The following SNTB2 variants were observed in gnomAD, a reference collection of about 807,000 sequenced individuals.
The protein encoded by SNTB2 is syntrophin beta 2, also known as beta-2-syntrophin.
Under a neutral mutation model 46.2 loss-of-function variants are expected in SNTB2, and 34 were observed. The ratio of observed to expected loss-of-function variants is 0.74; its 90% CI spans 0.56 to 0.98. SNTB2 has a LOEUF of 0.98. Among genes scored for constraint, SNTB2 ranks in the 50% least tolerant of loss-of-function variants. The pLI is 0.00. For missense variants in SNTB2, 603 were observed against 731.4 expected (o/e 0.82, Z 2.02); for synonymous variants, 290 against 312.6 (o/e 0.93, Z 0.76).
At chr16:69,196,536 G>A (rs943078882) in intron 1 of SNTB2, among the ~76,000 whole-genome samples, 5 of 151,662 alleles carry the variant, frequency 3.3e-5, no homozygotes, top group African/African-American at 1.2e-4. Flanking sequence ...TACCATGCCC[G>A]GCTAATTTTT....
chr16:69,268,794 G>A, intron 3 of SNTB2, among the ~76,000 whole-genome samples: 1 of 151,984 alleles, frequency 6.6e-6, no homozygotes, highest in Admixed American at 6.6e-5. Flanking sequence ...GAACCTGGGA[G>A]GCAGAGGTTG....
chr16:69,243,608 T>C (rs1221378096), intron 1 of SNTB2, among the ~76,000 whole-genome samples: 1 of 152,222 alleles, frequency 6.6e-6, no homozygotes, highest in Non-Finnish European at 1.5e-5. Context: ...CCCAATAGTG[T>C]ACTGCCTTAA....
intron 3 of SNTB2, among the ~76,000 whole-genome samples, chr16:69,264,016 C>G (rs1964861499): frequency 1.3e-5 from 2 of 151,822 alleles, no homozygotes; most frequent in South Asian, 4.2e-4. Flanking sequence ...CTAGGCTGGT[C>G]TTGAATTCCT....
At chr16:69,249,896 C>G (rs568052229) in intron 2 of SNTB2, among the ~76,000 whole-genome samples, 1 of 151,924 alleles carries the variant, frequency 6.6e-6, no homozygotes, top group Non-Finnish European at 1.5e-5. Flanking sequence ...ATCAGGAGTT[C>G]GAGACCAGCC....
rs115514779 is a variant in SNTB2 at position 69,207,527 on chromosome 16, A to G, written c.580+19781A>G. Among the ~76,000 whole-genome samples the G allele has an allele frequency of 2.2e-3, 330 of 152,330 alleles. 2 individuals are homozygous for G. Among genetic ancestry groups the G allele is most frequent in the African/African-American group, 7.8e-3 (324 of 41,576 alleles). On this transcript the variant is annotated intron_variant, in intron 1 of 6. Coordinates refer to ENST00000336278, the MANE Select transcript of SNTB2 (RefSeq NM_006750.4). ...TTTATGTTGACCAATTATAAAGTAG[A>G]TAAGAAAATAAGAAAATTGACATTG...
In SNTB2 at chr16:69,187,229, G is replaced by C; in HGVS notation, c.63G>C (p.Arg21=). The change falls in exon 1 of 7, where the codon CGG becomes CGC. Residue 21 remains arginine, a synonymous_variant. Coordinates refer to ENST00000336278, the MANE Select transcript of SNTB2 (RefSeq NM_006750.4). ...GAGPAMAVWT[R]ATKAGLVELL... ...GGCCGGCCATGGCGGTGTGGACGCG[G>C]GCCACCAAAGCGGGGCTGGTGGAGC... is the stretch of plus-strand genomic sequence containing the variant. 1 of 1,451,978 alleles carries C rather than the reference G, an allele frequency of 6.9e-7. No homozygotes were observed. The highest frequency in any genetic ancestry group is 9.1e-7 in the Non-Finnish European group (1 of 1,104,326). 89.9% of individuals were successfully genotyped at this position (1,451,978 alleles called of 1,614,324 possible).
intron 3 of SNTB2, among the ~76,000 whole-genome samples, chr16:69,267,747 T>C (rs1453853810): frequency 6.6e-6 from 1 of 152,230 alleles, no homozygotes; most frequent in Admixed American, 6.5e-5. Context: ...GTAGATGTTA[T>C]AGCACAGAAC....
At chr16:69,293,822 C>A (rs527972626) in intron 5 of SNTB2, among the ~76,000 whole-genome samples, 1 of 152,068 alleles carries the variant, frequency 6.6e-6, no homozygotes, top group East Asian at 1.9e-4. Context: ...AGGGGATTGG[C>A]CTTAGCCTGG....
intron 1 of SNTB2, among the ~76,000 whole-genome samples, chr16:69,217,411 C>A (rs1047841578): frequency 2.6e-5 from 4 of 152,092 alleles, no homozygotes; most frequent in African/African-American, 4.8e-5. Flanking sequence ...GACATTGAGG[C>A]TGTAGTGACT....
chr16:69,226,219 C>G (rs1452862981), intron 1 of SNTB2, among the ~76,000 whole-genome samples: 1 of 151,958 alleles, frequency 6.6e-6, no homozygotes, highest in East Asian at 1.9e-4. Context: ...ATACAGGCAC[C>G]CGCCATCATG....
At chr16:69,292,367 T>TAAA (rs796634567) in intron 5 of SNTB2, among the ~76,000 whole-genome samples, 8 of 20,322 alleles carry the variant, frequency 3.9e-4, no homozygotes, top group Non-Finnish European at 5.7e-4. Flanking sequence ...TATATATATA[T>TAAA]ATATATATAT....
intron 4 of SNTB2, among the ~76,000 whole-genome samples, chr16:69,270,637 C>G (rs1411462006): frequency 6.6e-6 from 1 of 152,094 alleles, no homozygotes; most frequent in Non-Finnish European, 1.5e-5. Context: ...AGCCTTTTGA[C>G]TGAGTGACGA....
chr16:69,270,097 C>T (rs757149859), intron 3 of SNTB2, 46 bp from the exon 4 acceptor site: 27 of 1,611,218 alleles, frequency 1.7e-5, no homozygotes, highest in Admixed American at 5.0e-5. Context: ...TTTACAAAGA[C>T]GTGATTATAG....
chr16:69,270,091 C>A, intron 3 of SNTB2, 52 bp from the exon 4 acceptor site: 1 of 1,609,494 alleles, frequency 6.2e-7, no homozygotes, highest in South Asian at 1.1e-5. Flanking sequence ...GGAACTTTTA[C>A]AAAGACGTGA....
chr16:69,236,120 GTGGT>G (rs1329887217), intron 1 of SNTB2, among the ~76,000 whole-genome samples: 1 of 152,222 alleles, frequency 6.6e-6, no homozygotes, highest in Non-Finnish European at 1.5e-5. Context: ...GTGGTGGCCT[GTGGT>G]TATGCTTGAA....
At chr16:69,227,841 A>ATTT (rs60387965) in intron 1 of SNTB2, among the ~76,000 whole-genome samples, 20 of 115,898 alleles carry the variant, frequency 1.7e-4, no homozygotes, top group South Asian at 6.1e-4. Context: ...GTTTCTCTGG[A>ATTT]TTTTTTTTTT....
chr16:69,284,816 G>A (rs1161686828), intron 5 of SNTB2, among the ~76,000 whole-genome samples: 3 of 151,968 alleles, frequency 2.0e-5, no homozygotes, highest in African/African-American at 4.8e-5. Context: ...GGGTGGTGGT[G>A]TGCATCTGTA....
At chr16:69,258,598 G>GTTCT (rs1555499965) in intron 2 of SNTB2, among the ~76,000 whole-genome samples, 3 of 106,674 alleles carry the variant, frequency 2.8e-5, no homozygotes, top group Non-Finnish European at 6.0e-5. Flanking sequence ...TAATTTTCTT[G>GTTCT]TTCTTTCTTT....
intron 3 of SNTB2, 27 bp from the exon 4 acceptor site, chr16:69,270,116 G>C: frequency 1.9e-6 from 3 of 1,613,352 alleles, no homozygotes; most frequent in Non-Finnish European, 2.5e-6. Flanking sequence ...AGTTAGCCCT[G>C]ATTTCTGAAT....
Sources: allele counts gnomAD v4.1 joint callset (sites outside exome capture counted in the v4.1 genomes callset), GRCh38; gene constraint gnomAD v4.1.1; transcripts MANE v1.5; gene names NCBI Gene and HGNC (gene_info 2026-07-23, HGNC 2026-07-21).